Variants in GRIK2 observed in about 807,000 individuals in gnomAD.
The protein encoded by GRIK2 is glutamate ionotropic receptor kainate type subunit 2, also known as glutamate receptor ionotropic, kainate 2.
In GRIK2, 32 loss-of-function variants were observed where a neutral mutation model predicts 100.3. That is an observed-to-expected ratio of 0.32 (90% CI 0.24 to 0.43). GRIK2 has a LOEUF of 0.43. Among genes scored for constraint, GRIK2 ranks in the 20% least tolerant of loss-of-function variants. GRIK2 has a pLI of 1.00. For synonymous variants in GRIK2, 417 were observed against 389.4 expected (o/e 1.07, Z -0.83); for missense variants, 843 against 1,114.9 (o/e 0.76, Z 3.47).
intron 2 of GRIK2, among the ~76,000 whole-genome samples, chr6:101,593,497 T>C (rs1284546409): frequency 6.6e-6 from 1 of 151,906 alleles, no homozygotes; most frequent in African/African-American, 2.4e-5. Flanking sequence ...TTCATCTCCA[T>C]TTTTAGATGT....
At chr6:101,975,143 T>C (rs1793288526) in intron 14 of GRIK2, among the ~76,000 whole-genome samples, 1 of 151,822 alleles carries the variant, frequency 6.6e-6, no homozygotes, top group Non-Finnish European at 1.5e-5. Context: ...AGGAAAATAG[T>C]AGAGAAAAAT....
intron 2 of GRIK2, among the ~76,000 whole-genome samples, chr6:101,476,384 C>CT (rs1354763018): frequency 3.3e-5 from 5 of 151,958 alleles, no homozygotes; most frequent in Non-Finnish European, 7.4e-5. Context: ...TGCACATATT[C>CT]TCAAGATAAG....
chr6:101,862,682 C>T (rs1459833329), intron 11 of GRIK2, among the ~76,000 whole-genome samples: 1 of 152,016 alleles, frequency 6.6e-6, no homozygotes, highest in East Asian at 1.9e-4. Context: ...GCCTTAGCCT[C>T]TGGAGTAACT....
intron 14 of GRIK2, among the ~76,000 whole-genome samples, chr6:102,022,410 T>C (rs1769476622): frequency 6.6e-6 from 1 of 151,720 alleles, no homozygotes; most frequent in South Asian, 2.1e-4. Flanking sequence ...TTTGAGAGCC[T>C]GGTTTCCTAG....
chr6:101,512,633 A>G (rs1477545505), intron 2 of GRIK2, among the ~76,000 whole-genome samples: 1 of 152,154 alleles, frequency 6.6e-6, no homozygotes, highest in Non-Finnish European at 1.5e-5. Flanking sequence ...AAATATTTCT[A>G]AACATCCACT....
At chr6:101,988,853 T>A (rs907894536) in intron 14 of GRIK2, among the ~76,000 whole-genome samples, 1 of 151,930 alleles carries the variant, frequency 6.6e-6, no homozygotes, top group African/African-American at 2.4e-5. Context: ...CAGTCCAAAT[T>A]TTGAAGTCAA....
intron 7 of GRIK2, among the ~76,000 whole-genome samples, chr6:101,796,972 A>AT (rs1008046602): frequency 6.6e-6 from 1 of 152,100 alleles, no homozygotes; most frequent in African/African-American, 2.4e-5. Flanking sequence ...ACCAGAAAAG[A>AT]TTTTTTGATT....
At position 101,638,356 on chromosome 6, in the gene GRIK2, A is replaced by T. The variant is rs1781121231; in HGVS notation, c.541+11719A>T. Among the ~76,000 whole-genome samples, 4 of 151,784 alleles carry T rather than the reference A, an allele frequency of 2.6e-5. 1 individual carries two copies. The highest frequency in any genetic ancestry group is 9.7e-5 in the African/African-American group (4 of 41,268). On this transcript the variant is annotated intron_variant, in intron 4 of 16. Transcript: ENST00000369134. ...ACAATAACAAAATAAATATGTGTAC[A>T]CAATAGTATCAAACGTGATAGGTGT...
rs138901567 is a variant in GRIK2, at chr6:102,031,641, C to T, written c.2086-3700C>T. 1.1e-4 allele frequency among the ~76,000 whole-genome samples: 16 copies of T among 151,050 alleles called. No individual in the cohort carries two copies. The East Asian group carries it at 1.4e-3, about 13-fold the overall frequency. On this transcript the variant is annotated intron_variant, in intron 14 of 16. Transcript: ENST00000369134. ...TCATCTTCCTCCCTTGGTAATCCCC[C>T]GTGTCTATTGTTGCTATCTTTATGT...
intron 11 of GRIK2, among the ~76,000 whole-genome samples, chr6:101,889,306 A>G (rs1344941781): frequency 6.6e-6 from 1 of 151,928 alleles, no homozygotes; most frequent in Admixed American, 6.5e-5. Flanking sequence ...AATAAAAGCA[A>G]TTTTGAAAAG....
intron 9 of GRIK2, among the ~76,000 whole-genome samples, chr6:101,811,786 T>C (rs1313644154): frequency 6.6e-6 from 1 of 151,668 alleles, no homozygotes; most frequent in Non-Finnish European, 1.5e-5. Flanking sequence ...TTTAAAGTAG[T>C]AATATGAGTT....
chr6:101,797,990 C>T (rs1286734810), intron 7 of GRIK2, among the ~76,000 whole-genome samples: 4 of 149,326 alleles, frequency 2.7e-5, no homozygotes, highest in Admixed American at 2.0e-4. Flanking sequence ...AAGAAAACAT[C>T]GTGAATTTAT....
At chr6:101,609,527 G>A (rs1779580356) in intron 2 of GRIK2, among the ~76,000 whole-genome samples, 1 of 151,750 alleles carries the variant, frequency 6.6e-6, no homozygotes, top group South Asian at 2.1e-4. Flanking sequence ...CCCCATGATT[G>A]TCTTAGTTGC....
chr6:101,922,561 A>G (rs1164496590), intron 12 of GRIK2, among the ~76,000 whole-genome samples: 3 of 152,202 alleles, frequency 2.0e-5, no homozygotes, highest in East Asian at 3.9e-4. Context: ...GCATCTAATA[A>G]TATTTACTTG....
intron 4 of GRIK2, among the ~76,000 whole-genome samples, chr6:101,669,429 A>G (rs1328866876): frequency 6.6e-6 from 1 of 152,210 alleles, no homozygotes; most frequent in African/African-American, 2.4e-5. Flanking sequence ...AGGAAGACAT[A>G]TAAACCATCT....
intron 4 of GRIK2, among the ~76,000 whole-genome samples, chr6:101,628,882 G>A (rs1422102630): frequency 6.6e-6 from 1 of 152,028 alleles, no homozygotes; most frequent in African/African-American, 2.4e-5. Context: ...TATTCAAAAT[G>A]TCTACAGACA....
chr6:101,417,473 G>A (rs552623556), intron 2 of GRIK2, among the ~76,000 whole-genome samples: 1 of 152,280 alleles, frequency 6.6e-6, no homozygotes, highest in South Asian at 2.1e-4. Context: ...TCTAGGTGTT[G>A]CTGCTCTGTG....
chr6:101,944,832 T>C (rs891072874), intron 14 of GRIK2, among the ~76,000 whole-genome samples: 1 of 152,080 alleles, frequency 6.6e-6, no homozygotes, highest in Non-Finnish European at 1.5e-5. Context: ...TATAGCAAAC[T>C]TGTAGTCTCA....
chr6:101,430,417 G>A (rs1769309669), intron 2 of GRIK2: 2 of 212,478 alleles, frequency 9.4e-6, no homozygotes, highest in African/African-American at 2.3e-5. Context: ...TATTCTGCTG[G>A]GTGATCCACA....
Sources: gnomAD v4.1 joint callset for allele counts (sites outside exome capture counted in the v4.1 genomes callset) on GRCh38, gnomAD v4.1.1 for gene constraint, MANE v1.5 for transcripts, NCBI Gene and HGNC (gene_info 2026-07-23, HGNC 2026-07-21) for gene names.